PPARGC1A: variants seen among roughly 807,000 people sequenced by gnomAD.
The protein encoded by PPARGC1A is PPARG coactivator 1 alpha.
Under a neutral mutation model 88.7 loss-of-function variants are expected in PPARGC1A, and 25 were observed. That is an observed-to-expected ratio of 0.28 (90% CI 0.21 to 0.39). PPARGC1A has a LOEUF of 0.39. Among genes scored for constraint, PPARGC1A ranks in the 10% least tolerant of loss-of-function variants. The pLI, the probability that PPARGC1A is intolerant of heterozygous loss-of-function variation, is 1.00. For missense variants in PPARGC1A, 880 were observed against 968.7 expected (o/e 0.91, Z 1.22); for synonymous variants, 363 against 355.6 (o/e 1.02, Z -0.24).
At chr4:24,439,912 T>C in the PPARGC1A span, among the ~76,000 whole-genome samples, 2 of 152,216 alleles carry the variant, frequency 1.3e-5, no homozygotes, top group African/African-American at 4.8e-5. Context: ...AGGAGACTTT[T>C]TCTCCAAAAG....
At chr4:24,230,883 G>A in the PPARGC1A span, among the ~76,000 whole-genome samples, 4 of 151,054 alleles carry the variant, frequency 2.6e-5, no homozygotes, top group Admixed American at 2.0e-4. Flanking sequence ...GTACCTGGGA[G>A]TTGTTGACTA....
the PPARGC1A span, among the ~76,000 whole-genome samples, chr4:24,089,478 C>T: frequency 3.1e-5 from 4 of 128,454 alleles, no homozygotes; most frequent in Non-Finnish European, 6.1e-5. Flanking sequence ...GACTAGGATG[C>T]CTTTTTCTTT....
chr4:24,408,378 TA>T, the PPARGC1A span, among the ~76,000 whole-genome samples: 4 of 151,926 alleles, frequency 2.6e-5, no homozygotes, highest in Non-Finnish European at 5.9e-5. Context: ...ACCTATAAAA[TA>T]GCAACAGTTC....
At chr4:24,367,293 C>A in the PPARGC1A span, among the ~76,000 whole-genome samples, 3 of 152,064 alleles carry the variant, frequency 2.0e-5, no homozygotes, top group Admixed American at 6.5e-5. Flanking sequence ...ACTAAATAGC[C>A]ATAACTAGGC....
At chr4:24,031,032 G>A in the PPARGC1A span, among the ~76,000 whole-genome samples, 3 of 152,058 alleles carry the variant, frequency 2.0e-5, no homozygotes, top group African/African-American at 2.4e-5. Flanking sequence ...GGTCTGGAAC[G>A]ATTAGTAGGA....
At chr4:23,866,529 G>A (rs1712036417) in intron 2 of PPARGC1A, among the ~76,000 whole-genome samples, 1 of 152,082 alleles carries the variant, frequency 6.6e-6, no homozygotes, top group Admixed American at 6.5e-5. Context: ...CATTTTCCCC[G>A]CAAATGGTTT....
chr4:24,167,311 AAG>A, the PPARGC1A span, among the ~76,000 whole-genome samples: 2 of 152,220 alleles, frequency 1.3e-5, no homozygotes, highest in Non-Finnish European at 2.9e-5. Context: ...TTCATGGATG[AAG>A]AGTTGCTTCT....
chr4:24,231,409 G>C, the PPARGC1A span, among the ~76,000 whole-genome samples: 1 of 152,146 alleles, frequency 6.6e-6, no homozygotes, highest in Non-Finnish European at 1.5e-5. Context: ...GTTTCCAATG[G>C]ATGTAAGGTA....
chr4:23,995,211 C>T, the PPARGC1A span, among the ~76,000 whole-genome samples: 1 of 151,892 alleles, frequency 6.6e-6, no homozygotes, highest in African/African-American at 2.4e-5. Flanking sequence ...TTGGGCTACA[C>T]AGTAGAAAAT....
At chr4:23,836,451 A>T (rs189167071) in intron 2 of PPARGC1A, among the ~76,000 whole-genome samples, 1 of 152,350 alleles carries the variant, frequency 6.6e-6, no homozygotes, top group Admixed American at 6.5e-5. Flanking sequence ...AAGAAGGCAC[A>T]TCAACAAAAA....
the PPARGC1A span, among the ~76,000 whole-genome samples, chr4:24,166,576 C>T: frequency 6.6e-6 from 1 of 152,206 alleles, no homozygotes; most frequent in Non-Finnish European, 1.5e-5. Flanking sequence ...GAAGCCAATG[C>T]TCATTTACCA....
At chr4:24,249,427 C>T in the PPARGC1A span, among the ~76,000 whole-genome samples, 2 of 152,174 alleles carry the variant, frequency 1.3e-5, no homozygotes, top group African/African-American at 4.8e-5. Context: ...ATACACAGGC[C>T]TTGCCCGTGG....
chr4:24,189,349 G>T, the PPARGC1A span, among the ~76,000 whole-genome samples: 1 of 152,048 alleles, frequency 6.6e-6, no homozygotes, highest in Non-Finnish European at 1.5e-5. Flanking sequence ...AGGGAGACTT[G>T]ATCTAAATGA....
the PPARGC1A span, among the ~76,000 whole-genome samples, chr4:24,115,573 C>G: frequency 6.6e-6 from 1 of 152,106 alleles, no homozygotes; most frequent in African/African-American, 2.4e-5. Context: ...ATCAACCAGG[C>G]TTTATATTAT....
chr4:24,338,694 T>C, the PPARGC1A span, among the ~76,000 whole-genome samples: 14 of 152,188 alleles, frequency 9.2e-5, no homozygotes, highest in East Asian at 2.7e-3. Context: ...TCAATCCTGT[T>C]GGTTTCATCA....
the PPARGC1A span, among the ~76,000 whole-genome samples, chr4:24,274,279 G>T: frequency 3.0e-4 from 46 of 152,170 alleles, no homozygotes; most frequent in African/African-American, 8.9e-4. Context: ...GTCCCAAGCA[G>T]AGGATATCCA....
chr4:24,432,334 A>C, the PPARGC1A span, among the ~76,000 whole-genome samples: 1 of 152,112 alleles, frequency 6.6e-6, no homozygotes, highest in Non-Finnish European at 1.5e-5. Flanking sequence ...TCTGTGAAAG[A>C]TGAGGGAAGA....
chr4:24,349,426 G>T, the PPARGC1A span, among the ~76,000 whole-genome samples: 15 of 152,178 alleles, frequency 9.9e-5, no homozygotes, highest in Non-Finnish European at 2.2e-4. Context: ...TCAGGTGGGG[G>T]CATGACTAGG....
At chr4:24,207,073 A>T in the PPARGC1A span, among the ~76,000 whole-genome samples, 1 of 151,930 alleles carries the variant, frequency 6.6e-6, no homozygotes, top group Non-Finnish European at 1.5e-5. Context: ...TTGCTCTCAA[A>T]TTTTTTTAAA....
Sources: gnomAD v4.1 joint callset for allele counts (sites outside exome capture counted in the v4.1 genomes callset) on GRCh38, gnomAD v4.1.1 for gene constraint, MANE v1.5 for transcripts, NCBI Gene and HGNC (gene_info 2026-07-23, HGNC 2026-07-21) for gene names.